Variants in HPSE2 observed in about 807,000 individuals in gnomAD.
HPSE2 encodes the protein inactive heparanase-2.
HPSE2 carries 38 observed loss-of-function variants against 60.5 expected under a neutral mutation model. The ratio of observed to expected loss-of-function variants is 0.63; its 90% CI spans 0.48 to 0.82. The LOEUF is 0.82. Ranked by LOEUF, HPSE2 falls within the 40% of genes least tolerant of loss-of-function variation. The pLI is 0.00. For missense variants in HPSE2, 713 were observed against 740.4 expected (o/e 0.96, Z 0.43); for synonymous variants, 295 against 293.2 (o/e 1.01, Z -0.06).
chr10:99,143,937 C>G (rs773299519), intron 3 of HPSE2, among the ~76,000 whole-genome samples: 30 of 152,294 alleles, frequency 2.0e-4, no homozygotes, highest in Non-Finnish European at 3.7e-4. Context: ...ATAGCTGCTT[C>G]TTAAAAGACA....
chr10:98,544,199 T>C (rs558319096), intron 9 of HPSE2, among the ~76,000 whole-genome samples: 3 of 152,246 alleles, frequency 2.0e-5, no homozygotes, highest in Admixed American at 6.5e-5. Context: ...CTCAAGTACA[T>C]GGAAGCTGAA....
At position 98,620,641 on chromosome 10, in the gene HPSE2, C is replaced by A; in HGVS notation, c.1166G>T (p.Gly389Val). ...ATAGGAATCGGATAGATTGTTTGTGCCTCCAGCTGAGGTGGTCACCACACC... is the reference window on the plus strand; with the variant it reads ...ATAGGAATCGGATAGATTGTTTGTGACTCCAGCTGAGGTGGTCACCACACC... ...LEGVVTTSAG[G>V]TNNLSDSYAA... Residue 389 changes from glycine (G) to valine (V), a missense_variant, in exon 8 of 12, where the codon GGC becomes GTC. Transcript: ENST00000370552. 2 of 1,614,056 alleles carry A rather than the reference C, an allele frequency of 1.2e-6. No homozygotes were observed. Among genetic ancestry groups the A allele is most frequent in the Non-Finnish European group, 1.7e-6 (2 of 1,179,972 alleles).
chr10:99,168,341 A>AT lies in HPSE2; in HGVS notation c.449-23943dup, dbSNP rs1157210702. 7.9e-5 allele frequency among the ~76,000 whole-genome samples: 12 copies of AT among 152,278 alleles called. No individual in the cohort carries two copies. The South Asian group carries it at 1.2e-3, about 16-fold the overall frequency. ...TTCTGCTGCCCTGATAAATGGTATC[A>AT]TTTTAATAGTATGTTCTAAATTTTT... On this transcript the variant is annotated intron_variant, in intron 2 of 11. Coordinates refer to ENST00000370552, the MANE Select transcript of HPSE2 (RefSeq NM_021828.5).
intron 3 of HPSE2, among the ~76,000 whole-genome samples, chr10:99,019,058 G>A (rs1210135323): frequency 6.6e-6 from 1 of 152,172 alleles, no homozygotes; most frequent in Non-Finnish European, 1.5e-5. Context: ...TCATTGACAA[G>A]TTTAAAGAAT....
At chr10:98,619,956 A>G (rs7086656) in intron 8 of HPSE2, among the ~76,000 whole-genome samples, 3,265 of 152,338 alleles carry the variant, frequency 0.021, 99 homozygotes, top group African/African-American at 0.074. Flanking sequence ...TTTGAGTCCA[A>G]GCTGTGCCAC....
intron 3 of HPSE2, among the ~76,000 whole-genome samples, chr10:99,124,886 G>T (rs1397685159): frequency 6.6e-6 from 1 of 152,224 alleles, no homozygotes; most frequent in Non-Finnish European, 1.5e-5. Context: ...GGAGTGTGCA[G>T]CCCTGGCTGT....
chr10:99,300,064 T>C, the HPSE2 span, among the ~76,000 whole-genome samples: 2 of 145,660 alleles, frequency 1.4e-5, no homozygotes, highest in African/African-American at 2.6e-5. Context: ...AAAAGCACAA[T>C]TGTTAGAGGC....
In HPSE2 at chr10:98,742,824, T is replaced by C. The variant is rs1310161525; in HGVS notation, c.784+1059A>G. Among the ~76,000 whole-genome samples the C allele has an allele frequency of 6.1e-5, 9 of 148,504 alleles. No homozygotes were observed. In the South Asian group the frequency reaches 1.7e-3, roughly 28 times the overall value. On this transcript the variant is annotated intron_variant, in intron 4 of 11. Transcript: ENST00000370552. ...ACACACACACACACACACACTTTAA[T>C]GATTAAACAGGACTGGCTACATAAT...
At chr10:99,164,918 T>A (rs1221606660) in intron 2 of HPSE2, among the ~76,000 whole-genome samples, 3 of 151,680 alleles carry the variant, frequency 2.0e-5, no homozygotes, top group Non-Finnish European at 4.4e-5. Flanking sequence ...ACCCCGTCTC[T>A]ACTAAAAATA....
intron 3 of HPSE2, among the ~76,000 whole-genome samples, chr10:98,839,290 CT>C (rs1423167213): frequency 2.6e-5 from 4 of 152,228 alleles, no homozygotes; most frequent in Non-Finnish European, 5.9e-5. Context: ...ATGATATTGG[CT>C]ATGAGGCTCT....
At chr10:99,189,414 G>C (rs914293155) in intron 2 of HPSE2, among the ~76,000 whole-genome samples, 27 of 152,194 alleles carry the variant, frequency 1.8e-4, no homozygotes, top group African/African-American at 6.5e-4. Flanking sequence ...ACATGTCAGA[G>C]TAGACAATTA....
At chr10:98,541,878 T>A (rs1277837207) in intron 9 of HPSE2, among the ~76,000 whole-genome samples, 1 of 143,514 alleles carries the variant, frequency 7.0e-6, no homozygotes, top group South Asian at 2.3e-4. Flanking sequence ...GTAGGCTCCA[T>A]CTCTGGGGGC....
chr10:98,656,625 A>G (rs1463365432), intron 6 of HPSE2, among the ~76,000 whole-genome samples: 1 of 152,166 alleles, frequency 6.6e-6, no homozygotes, highest in Non-Finnish European at 1.5e-5. Flanking sequence ...CAGGAAAATG[A>G]TGCTTCTCAT....
chr10:98,540,650 A>C (rs1943429976), intron 9 of HPSE2, among the ~76,000 whole-genome samples: 1 of 152,238 alleles, frequency 6.6e-6, no homozygotes, highest in African/African-American at 2.4e-5. Context: ...ACTCCTTCAA[A>C]AGTACATAAA....
At chr10:98,889,134 T>TA (rs778499673) in intron 3 of HPSE2, among the ~76,000 whole-genome samples, 1 of 152,160 alleles carries the variant, frequency 6.6e-6, no homozygotes, top group South Asian at 2.1e-4. Context: ...CCATTCCCAA[T>TA]AAAAAATGAA....
At chr10:98,869,438 G>A (rs920468689) in intron 3 of HPSE2, among the ~76,000 whole-genome samples, 2 of 152,074 alleles carry the variant, frequency 1.3e-5, no homozygotes. Flanking sequence ...CAACAATGTT[G>A]TTATCACTCT....
intron 2 of HPSE2, among the ~76,000 whole-genome samples, chr10:99,165,594 C>T (rs1318333365): frequency 2.0e-5 from 3 of 151,152 alleles, no homozygotes; most frequent in East Asian, 1.9e-4. Flanking sequence ...TCACCCAGGC[C>T]GGAGTGCAGT....
intron 3 of HPSE2, among the ~76,000 whole-genome samples, chr10:99,044,227 C>A (rs573020409): frequency 5.3e-5 from 8 of 152,130 alleles, no homozygotes; most frequent in Non-Finnish European, 1.2e-4. Flanking sequence ...AAAAGAAATT[C>A]CAAGTAAGAT....
intron 9 of HPSE2, among the ~76,000 whole-genome samples, chr10:98,490,601 C>T (rs1941610448): frequency 6.6e-6 from 1 of 152,132 alleles, no homozygotes; most frequent in South Asian, 2.1e-4. Flanking sequence ...TGGATTATTT[C>T]CATTCCTTAG....
Sources: allele counts gnomAD v4.1 joint callset (sites outside exome capture counted in the v4.1 genomes callset), GRCh38; gene constraint gnomAD v4.1.1; transcripts MANE v1.5; gene names NCBI Gene and HGNC (gene_info 2026-07-23, HGNC 2026-07-21).